The following KCNN3 variants were observed in gnomAD, a reference collection of about 807,000 sequenced individuals.
KCNN3 encodes potassium calcium-activated channel subfamily N member 3.
A neutral mutation model predicts 62.9 loss-of-function variants in KCNN3; 16 were observed. That is an observed-to-expected ratio of 0.25 (90% CI 0.17 to 0.39). The LOEUF (loss-of-function observed/expected upper bound fraction) is 0.39. Among genes scored for constraint, KCNN3 ranks in the 10% least tolerant of loss-of-function variants. KCNN3 has a pLI of 1.00. For missense variants in KCNN3, 599 were observed against 949.4 expected (o/e 0.63, Z 4.85); for synonymous variants, 370 against 389.2 (o/e 0.95, Z 0.58).
At chr1:154,775,575 C>G (rs901252418) in intron 2 of KCNN3, among the ~76,000 whole-genome samples, 45 of 133,248 alleles carry the variant, frequency 3.4e-4, no homozygotes, top group South Asian at 9.4e-4. Flanking sequence ...GCCCCCCACC[C>G]ACCCACCCAT....
intron 3 of KCNN3, among the ~76,000 whole-genome samples, chr1:154,756,279 G>A (rs991755370): frequency 6.6e-6 from 1 of 150,864 alleles, no homozygotes; most frequent in African/African-American, 2.4e-5. Context: ...AGACGACGAC[G>A]ATGAAAAGGA....
chr1:154,779,404 T>C (rs114938374), intron 2 of KCNN3, among the ~76,000 whole-genome samples: 2,121 of 152,214 alleles, frequency 0.014, 48 homozygotes, highest in African/African-American at 0.049. Flanking sequence ...CACTCAGTTA[T>C]ATTTGCTGGC....
Position 154,774,600 on chromosome 1 carries a change from C to T in KCNN3, c.1030-2207G>A, listed in dbSNP as rs1571262398. Among the ~76,000 whole-genome samples, 4 of 152,250 alleles carry T rather than the reference C, an allele frequency of 2.6e-5. No individual in the cohort carries two copies. In the South Asian group the frequency reaches 8.3e-4, roughly 32 times the overall value. ...GGAGGTAGTGGAATGTTTATCATCA[C>T]ACTATGCCCTCTCTTTACTGGGTCC... On this transcript the variant is annotated intron_variant, in intron 2 of 7. Transcript: ENST00000271915.
At chr1:154,740,136 T>C (rs1700798336) in intron 3 of KCNN3, among the ~76,000 whole-genome samples, 1 of 152,264 alleles carries the variant, frequency 6.6e-6, no homozygotes, top group South Asian at 2.1e-4. Flanking sequence ...TATGTAGCTA[T>C]AGTCTATTTT....
At chr1:154,852,057 C>T (rs1005385166) in intron 1 of KCNN3, among the ~76,000 whole-genome samples, 5 of 152,232 alleles carry the variant, frequency 3.3e-5, no homozygotes, top group African/African-American at 4.8e-5. Flanking sequence ...TGTGAGGACA[C>T]GAGCCACGTG....
chr1:154,821,537 A>T (rs902046409), intron 2 of KCNN3, among the ~76,000 whole-genome samples: 14 of 152,230 alleles, frequency 9.2e-5, no homozygotes, highest in Non-Finnish European at 1.5e-5. Context: ...CCTGGGCAGC[A>T]AGAAACAGAG....
intron 7 of KCNN3, among the ~76,000 whole-genome samples, chr1:154,711,452 C>T (rs1700073628): frequency 6.6e-6 from 1 of 150,834 alleles, no homozygotes; most frequent in Non-Finnish European, 1.5e-5. Context: ...ATGTAACAAA[C>T]CTGCACATTG....
chr1:154,814,368 C>T (rs1650567950), intron 2 of KCNN3, among the ~76,000 whole-genome samples: 1 of 152,218 alleles, frequency 6.6e-6, no homozygotes, highest in Non-Finnish European at 1.5e-5. Context: ...CCAATACAGT[C>T]CCCACTGCCA....
In KCNN3 at chr1:154,851,104, G is replaced by A. The variant is rs1371316997; in HGVS notation, c.933+17928C>T. Among the ~76,000 whole-genome samples the A allele has an allele frequency of 3.3e-5, 5 of 152,030 alleles. No homozygotes were observed. In the East Asian group the frequency reaches 7.7e-4, roughly 24 times the overall value. ...AGCGATTCTCCTGCCTCAGCCTCCC[G>A]AGTAGCTGGGACTACAGGCGTGCAC... On this transcript the variant is annotated intron_variant, in intron 1 of 7. Coordinates refer to ENST00000271915, the MANE Select transcript of KCNN3 (RefSeq NM_002249.6).
intron 1 of KCNN3, among the ~76,000 whole-genome samples, chr1:154,851,169 G>T (rs1344420116): frequency 1.3e-5 from 2 of 152,112 alleles, no homozygotes; most frequent in Admixed American, 6.5e-5. Context: ...TGTAGAGACG[G>T]GGTTTCACCA....
chr1:154,792,240 G>T (rs903341254), intron 2 of KCNN3, among the ~76,000 whole-genome samples: 2 of 152,188 alleles, frequency 1.3e-5, no homozygotes, highest in African/African-American at 2.4e-5. Flanking sequence ...GGTCTCCCCC[G>T]TCTGCCATGT....
At chr1:154,847,377 A>G (rs1221827401) in intron 1 of KCNN3, among the ~76,000 whole-genome samples, 2 of 152,136 alleles carry the variant, frequency 1.3e-5, no homozygotes, top group East Asian at 1.9e-4. Flanking sequence ...CAGCCAGCCA[A>G]TGGGAAATGC....
chr1:154,734,345 G>A (rs1045353281), intron 3 of KCNN3, among the ~76,000 whole-genome samples: 1 of 152,174 alleles, frequency 6.6e-6, no homozygotes, highest in African/African-American at 2.4e-5. Context: ...AAGAACAAAG[G>A]GCCAGGGAGA....
intron 2 of KCNN3, among the ~76,000 whole-genome samples, chr1:154,804,471 C>T (rs1044924522): frequency 6.6e-6 from 1 of 152,212 alleles, no homozygotes; most frequent in African/African-American, 2.4e-5. Context: ...GGTTCCAAGT[C>T]AACACTGTAT....
chr1:154,708,138 G>A lies in KCNN3; in HGVS notation c.2034C>T (p.Ala678=), dbSNP rs747394806. 2 of 1,613,754 alleles carry A rather than the reference G, an allele frequency of 1.2e-6. No individual in the cohort carries two copies. Among genetic ancestry groups the A allele is most frequent in the South Asian group, 1.1e-5 (1 of 91,054 alleles). ...GCTGCTGCTGCTGGCGCAGGGTGTC[G>A]GCGATGAGCAGCGGCAGGGAGTTGA... The part of the protein sequence containing the change: ...ASFNSLPLLI[A]DTLRQQQQQL... The change falls in exon 8 of 8, where the codon GCC becomes GCT. Residue 678 remains alanine, a synonymous_variant. Coordinates refer to ENST00000271915, the MANE Select transcript of KCNN3 (RefSeq NM_002249.6).
intron 2 of KCNN3, among the ~76,000 whole-genome samples, chr1:154,795,879 A>G (rs1356001674): frequency 3.3e-5 from 5 of 152,232 alleles, no homozygotes; most frequent in African/African-American, 1.2e-4. Context: ...GAAATGGCAC[A>G]GATGTGGCCG....
chr1:154,827,663 G>A (rs985717274), intron 1 of KCNN3, among the ~76,000 whole-genome samples: 1 of 152,054 alleles, frequency 6.6e-6, no homozygotes, highest in Non-Finnish European at 1.5e-5. Flanking sequence ...GCTGGGCATG[G>A]TGGTGCAAGC....
chr1:154,716,084 G>A (rs1262191825), intron 5 of KCNN3, among the ~76,000 whole-genome samples: 1 of 152,200 alleles, frequency 6.6e-6, no homozygotes, highest in African/African-American at 2.4e-5. Flanking sequence ...CTCCTTCACT[G>A]TGCACTGCAA....
intron 2 of KCNN3, among the ~76,000 whole-genome samples, chr1:154,773,872 T>A (rs1276474315): frequency 1.3e-5 from 2 of 152,232 alleles, no homozygotes; most frequent in Admixed American, 6.5e-5. Flanking sequence ...TCACAAGGGC[T>A]GGCACAGATT....
Sources: allele counts gnomAD v4.1 joint callset (sites outside exome capture counted in the v4.1 genomes callset), GRCh38; gene constraint gnomAD v4.1.1; transcripts MANE v1.5; gene names NCBI Gene and HGNC (gene_info 2026-07-23, HGNC 2026-07-21).